LRP1: variants seen among roughly 807,000 people sequenced by gnomAD.
LRP1 encodes prolow-density lipoprotein receptor-related protein 1.
In LRP1, 51 loss-of-function variants were observed where a neutral mutation model predicts 541.5. That is an observed-to-expected ratio of 0.09 (90% CI 0.08 to 0.12). The LOEUF (loss-of-function observed/expected upper bound fraction) is 0.12. Among genes scored for constraint, LRP1 ranks in the 10% least tolerant of loss-of-function variants. LRP1 has a pLI of 1.00. For missense variants in LRP1, 3,878 were observed against 6,376.2 expected (o/e 0.61, Z 13.34); for synonymous variants, 2,219 against 2,470.8 (o/e 0.90, Z 3.02).
Position 57,205,258 on chromosome 12 carries a change from C to T in LRP1, c.11335+9C>T, listed in dbSNP as rs572414008. On this transcript the variant is annotated intron_variant, in intron 73 of 88. Transcript: ENST00000243077. The surrounding 1 kb of genome is among the most constrained non-coding windows in gnomAD (Gnocchi z 4.6). Reference sequence around the variant, plus strand: ...GGAGGACTGCAGCATCGGTGAGGCCCGGCAGCGGACCGGACGCTGGTGGGG... The same window carrying T: ...GGAGGACTGCAGCATCGGTGAGGCCTGGCAGCGGACCGGACGCTGGTGGGG... 4.6e-5 allele frequency: 74 copies of T among 1,607,120 alleles called. No homozygotes were observed. The highest frequency in any genetic ancestry group is 3.6e-4 in the African/African-American group (27 of 74,962).
intron 59 of LRP1, 41 bp from the exon 60 acceptor site, chr12:57,198,424 G>A (rs775468233): frequency 1.7e-5 from 27 of 1,608,808 alleles, no homozygotes; most frequent in Non-Finnish European, 2.1e-5. Context: ...GGTGCGATGG[G>A]TTACGGGATC....
chr12:57,191,420 A>G lies in LRP1; in HGVS notation c.7337A>G (p.Asn2446Ser), dbSNP rs1390642521. 6.2e-7 allele frequency: 1 copy of G among 1,613,394 alleles called. No individual in the cohort carries two copies. The highest frequency in any genetic ancestry group is 8.5e-7 in the Non-Finnish European group (1 of 1,179,548). Residue 2446 changes from asparagine (N) to serine (S), a missense_variant, in exon 44 of 89, where the codon AAC becomes AGC. Physicochemically the swap from Asn to Ser is conservative, Grantham distance 46. This residue lies in a region of LRP1 where 1,100 missense variants were observed against 1,827.4 expected (regional missense o/e 0.60). Coordinates refer to ENST00000243077, the MANE Select transcript of LRP1 (RefSeq NM_002332.3). ...DWVRRAVQRA[N>S]KHVGSNMKLL... Reference sequence around the variant, plus strand: ...GTGCGGCGGGCAGTGCAGCGGGCCAACAAGCACGTGGGCAGCAACATGAAG... The same window carrying G: ...GTGCGGCGGGCAGTGCAGCGGGCCAGCAAGCACGTGGGCAGCAACATGAAG...
At chr12:57,160,114 C>A in intron 12 of LRP1, 109 bp downstream of exon 12, 1 of 1,103,666 alleles carries the variant, frequency 9.1e-7, no homozygotes. Flanking sequence ...AGGCGGGATA[C>A]TTTAGCAGGA....
chr12:57,195,691 T>C lies in LRP1; in HGVS notation c.8471T>C (p.Met2824Thr). 4.3e-6 allele frequency: 7 copies of C among 1,614,116 alleles called. No individual in the cohort carries two copies. Among genetic ancestry groups the C allele is most frequent in the Non-Finnish European group, 5.9e-6 (7 of 1,180,008 alleles). The change falls in exon 53 of 89, where the codon ATG becomes ACG. Residue 2824 changes from methionine to threonine, a missense_variant. This residue lies in a region of LRP1 where 1,100 missense variants were observed against 1,827.4 expected (regional missense o/e 0.60). Coordinates refer to ENST00000243077, the MANE Select transcript of LRP1 (RefSeq NM_002332.3). The part of the protein sequence containing the change: ...YNSTCDDREF[M>T]CQNRQCIPKH... ...AGCACTTGTGACGACCGTGAGTTCA[T>C]GTGCCAGAACCGCCAGTGCATCCCC...
chr12:57,184,359 G>A lies in LRP1; in HGVS notation c.6093G>A (p.Pro2031=), dbSNP rs34890517. ...TCTGGACTGAGTGGGGTCAGTATCC[G>A]CGTATTGAGCGGTCTCGGCTAGATG... ...YLFWTEWGQY[P]RIERSRLDGT... is the part of the protein sequence containing the mutation. Residue 2031 remains proline (P), a synonymous_variant, in exon 38 of 89, where the codon CCG becomes CCA. Coordinates refer to ENST00000243077, the MANE Select transcript of LRP1 (RefSeq NM_002332.3). The surrounding 1 kb of genome is among the most constrained non-coding windows in gnomAD (Gnocchi z 7.8). The A allele has an allele frequency of 5.4e-5, 87 of 1,614,204 alleles. No homozygotes were observed. The highest frequency in any genetic ancestry group is 4.3e-4 in the African/African-American group (32 of 75,046).
In LRP1 at chr12:57,163,128, G is replaced by T; in HGVS notation, c.2530+145G>T. 2.4e-6 allele frequency: 3 copies of T among 1,236,224 alleles called. No individual in the cohort carries two copies. In the East Asian group the frequency reaches 7.7e-5, roughly 32 times the overall value. The allele number at this position is 1,236,224 out of a possible 1,614,324, so 76.6% of individuals were successfully genotyped here. A position where few individuals can be genotyped will look rare whatever the true frequency, so the allele number is the denominator to read the frequency against. On this transcript the variant is annotated intron_variant, in intron 15 of 88. Coordinates refer to ENST00000243077, the MANE Select transcript of LRP1 (RefSeq NM_002332.3). ...AGGGGGCCAACAGGAAGCAAGGGAG[G>T]GGGAGAGCAAAGGCTCTGGGGGCTA...
Position 57,181,142 on chromosome 12 carries a change from C to T in LRP1, c.5528-15C>T. Reference sequence around the variant, plus strand: ...GCCACCTAACCCTTTCCCTCTGCCTCCCACCTGCCCCCAGACCATAAGGGC... The same window carrying T: ...GCCACCTAACCCTTTCCCTCTGCCTTCCACCTGCCCCCAGACCATAAGGGC... On this transcript the variant is annotated splice_polypyrimidine_tract_variant and intron_variant, in intron 33 of 88. Coordinates refer to ENST00000243077, the MANE Select transcript of LRP1 (RefSeq NM_002332.3). The T allele has an allele frequency of 6.2e-7, 1 of 1,610,860 alleles. No homozygotes were observed. Among genetic ancestry groups the T allele is most frequent in the Non-Finnish European group, 8.5e-7 (1 of 1,178,432 alleles).
chr12:57,160,940 G>T lies in LRP1; in HGVS notation c.2027G>T (p.Arg676Leu), dbSNP rs200235307. Residue 676 changes from arginine to leucine, a missense_variant, in exon 13 of 89, where the codon CGT becomes CTT. Physicochemically the swap from Arg to Leu is moderately radical, Grantham distance 102. Coordinates refer to ENST00000243077, the MANE Select transcript of LRP1 (RefSeq NM_002332.3). The part of the protein sequence containing the change: ...DWEEDPKDSR[R>L]GRLERAWMDG... Reference sequence around the variant, plus strand: ...GAGGAGGACCCCAAGGACAGTCGGCGTGGGCGGCTGGAGAGGGCGTGGATG... The same window carrying T: ...GAGGAGGACCCCAAGGACAGTCGGCTTGGGCGGCTGGAGAGGGCGTGGATG... 6.2e-7 allele frequency: 1 copy of T among 1,613,970 alleles called. No homozygotes were observed. The highest frequency in any genetic ancestry group is 8.5e-7 in the Non-Finnish European group (1 of 1,180,014).
Position 57,212,011 on chromosome 12 carries a change from T to G in LRP1, c.13343T>G (p.Val4448Gly). 1 of 1,613,938 alleles carries G rather than the reference T, an allele frequency of 6.2e-7. No homozygotes were observed. The highest frequency in any genetic ancestry group is 8.5e-7 in the Non-Finnish European group (1 of 1,179,972). Residue 4448 changes from valine to glycine, a missense_variant, in exon 87 of 89, where the codon GTC becomes GGC. Val to Gly is a moderately radical substitution (Grantham distance 109). This residue lies in a region of LRP1 where 871 missense variants were observed against 1,212.4 expected (regional missense o/e 0.72). Transcript: ENST00000243077. The surrounding 1 kb of genome is among the most constrained non-coding windows in gnomAD (Gnocchi z 5.0). ...AGVVFWYKRR[V>G]QGAKGFQHQR... ...GTGGTATTCTGGTATAAGCGGCGAG[T>G]CCAAGGGTGAGTCACAGGGATTCTG...
chr12:57,192,758 T>C, intron 44 of LRP1, 87 bp from the exon 45 acceptor site: 4 of 1,563,874 alleles, frequency 2.6e-6, no homozygotes, highest in African/African-American at 1.3e-5. Context: ...GGGAGCTCCA[T>C]GAAGTCAGTG....
intron 44 of LRP1, 29 bp from the exon 45 acceptor site, chr12:57,192,816 A>C (rs766705632): frequency 6.2e-7 from 1 of 1,613,842 alleles, no homozygotes; most frequent in South Asian, 1.1e-5. Flanking sequence ...AACACTCTCC[A>C]GCCCTGCGCC....
intron 68 of LRP1, 29 bp from the exon 69 acceptor site, chr12:57,203,152 C>T: frequency 1.3e-6 from 2 of 1,497,780 alleles, no homozygotes; most frequent in Non-Finnish European, 1.8e-6. Flanking sequence ...GCCCACCCTC[C>T]TGGGCCTGTC....
rs1204823681 is a variant in LRP1, at chr12:57,158,681, C to A, written c.1798+43C>A. ...TGTGGCCCATGGGGATGGAAGGGGG[C>A]TGGGGCCCAGGCATCTGTTTCTCGG... is the stretch of plus-strand genomic sequence containing the variant. On this transcript the variant is annotated intron_variant, in intron 11 of 88. Transcript: ENST00000243077. The surrounding 1 kb of genome is among the most constrained non-coding windows in gnomAD (Gnocchi z 5.3). The A allele has an allele frequency of 6.4e-7, 1 of 1,569,174 alleles. No homozygotes were observed. The highest frequency in any genetic ancestry group is 8.8e-7 in the Non-Finnish European group (1 of 1,141,382).
intron 1 of LRP1, among the ~76,000 whole-genome samples, chr12:57,134,285 C>T (rs1167747111): frequency 6.6e-6 from 1 of 152,174 alleles, no homozygotes; most frequent in Non-Finnish European, 1.5e-5. Context: ...TCTTCTCCTG[C>T]CTGTCTTCCC....
chr12:57,187,163 G>A (rs933206747), intron 41 of LRP1, 104 bp from the exon 42 acceptor site: 43 of 1,204,368 alleles, frequency 3.6e-5, no homozygotes, highest in South Asian at 7.5e-5. Context: ...CCCACACTTC[G>A]CCTTCCAGCC....
intron 3 of LRP1, among the ~76,000 whole-genome samples, chr12:57,143,056 C>A (rs536004028): frequency 4.6e-5 from 7 of 152,142 alleles, no homozygotes; most frequent in Non-Finnish European, 7.4e-5. Flanking sequence ...ACCTCTCCCC[C>A]CTCCTGTCTC....
chr12:57,199,050 T>C lies in LRP1; in HGVS notation c.9677-162T>C, dbSNP rs35408997. Among the ~76,000 whole-genome samples, 1,329 of 152,318 alleles carry C rather than the reference T, an allele frequency of 8.7e-3. 11 individuals are homozygous for C. Among genetic ancestry groups the C allele is most frequent in the Non-Finnish European group, 0.014 (983 of 68,012 alleles). On this transcript the variant is annotated intron_variant, in intron 60 of 88. Transcript: ENST00000243077. ...TAGGTTTGAACTCCAGCTCTGACAC[T>C]TGTTAGCTGTGAGACCATGGGGGGT...
chr12:57,142,998 G>T (rs1051952607), intron 3 of LRP1, among the ~76,000 whole-genome samples: 5 of 152,054 alleles, frequency 3.3e-5, no homozygotes, highest in Non-Finnish European at 5.9e-5. Context: ...CTGGCCCCAC[G>T]CAAGGCCATT....
At chr12:57,192,200 C>A (rs1354681433) in intron 44 of LRP1, among the ~76,000 whole-genome samples, 2 of 151,922 alleles carry the variant, frequency 1.3e-5, no homozygotes, top group Non-Finnish European at 2.9e-5. Flanking sequence ...CCTGGGCCTC[C>A]ATTACACAGA....
Sources: gnomAD v4.1 joint callset for allele counts (sites outside exome capture counted in the v4.1 genomes callset) on GRCh38, gnomAD v4.1.1 for gene constraint, gnomAD v4.1.1 regional missense constraint, Gnocchi (gnomAD v3.1) non-coding constraint, MANE v1.5 for transcripts, NCBI Gene and HGNC (gene_info 2026-07-23, HGNC 2026-07-21) for gene names.